C5: variants seen among roughly 807,000 people sequenced by gnomAD.
The protein encoded by C5 is complement C5.
A neutral mutation model predicts 218.8 loss-of-function variants in C5; 140 were observed. That is an observed-to-expected ratio of 0.64 (90% CI 0.56 to 0.74). The LOEUF is 0.74. Ranked by LOEUF, C5 falls within the 30% of genes least tolerant of loss-of-function variation. The probability of loss-of-function intolerance (pLI) is 0.00; values close to 1 mark genes in which losing one functional copy is unlikely to be tolerated. For synonymous variants in C5, 614 were observed against 682.3 expected (o/e 0.90, Z 1.56); for missense variants, 1,700 against 1,969.6 (o/e 0.86, Z 2.59).
rs937065291 is a variant in C5, at chr9:121,004,866, A to C, written c.2562+1053T>G. 1.6e-4 allele frequency among the ~76,000 whole-genome samples: 24 copies of C among 152,200 alleles called. 1 individual carries two copies. Among genetic ancestry groups the C allele is most frequent in the African/African-American group, 4.6e-4 (19 of 41,448 alleles). On this transcript the variant is annotated intron_variant, in intron 20 of 40. Coordinates refer to ENST00000223642, the MANE Select transcript of C5 (RefSeq NM_001735.3). ...AGTTTGATAAAACAGTTTTATTTTA[A>C]GATACCAATATTTAAATATTTTAAA... is the stretch of plus-strand genomic sequence containing the variant.
chr9:121,035,205 C>A (rs1053934155), intron 4 of C5, among the ~76,000 whole-genome samples: 1 of 152,094 alleles, frequency 6.6e-6, no homozygotes, highest in African/African-American at 2.4e-5. Flanking sequence ...AACAAACAAA[C>A]AAACAAACAA....
chr9:121,025,388 A>G, intron 9 of C5, 66 bp downstream of exon 9: 2 of 1,421,510 alleles, frequency 1.4e-6, no homozygotes, highest in Non-Finnish European at 1.9e-6. Flanking sequence ...TATCTTTAAT[A>G]TTCTGTCTAA....
Position 121,002,337 on chromosome 9 carries a change from TATATACAC to T in C5, c.2562+3574_2562+3581del, listed in dbSNP as rs1232745112. ...GTGTGTATATATATATATATATATA[TATATACAC>T]ACATACCTACACAAGCCGATTTTAT... On this transcript the variant is annotated intron_variant, in intron 20 of 40. Transcript: ENST00000223642. 8.8e-3 allele frequency among the ~76,000 whole-genome samples: 1,030 copies of T among 116,984 alleles called. 49 individuals are homozygous for T. Among genetic ancestry groups the T allele is most frequent in the African/African-American group, 0.035 (976 of 27,846 alleles). 76.7% of individuals were successfully genotyped at this position (116,984 alleles called of 152,430 possible). A position where few individuals can be genotyped will look rare whatever the true frequency, so the allele number is the denominator to read the frequency against.
chr9:120,991,949 G>T (rs1230985901), intron 22 of C5, among the ~76,000 whole-genome samples: 2 of 152,210 alleles, frequency 1.3e-5, no homozygotes, highest in African/African-American at 4.8e-5. Context: ...AGGAAATTGA[G>T]GCTTAGAAAG....
the C5 span, among the ~76,000 whole-genome samples, chr9:121,066,772 C>A: frequency 6.6e-6 from 1 of 151,304 alleles, no homozygotes; most frequent in South Asian, 2.1e-4. Flanking sequence ...ATCGCTTAAA[C>A]CTGGGAGGTG....
At chr9:121,001,001 T>A (rs2131728420) in intron 20 of C5, among the ~76,000 whole-genome samples, 1 of 152,096 alleles carries the variant, frequency 6.6e-6, no homozygotes, top group African/African-American at 2.4e-5. Context: ...TCAAATGACA[T>A]AAAGGAAAAG....
At chr9:121,027,309 A>G (rs1312519358) in intron 7 of C5, 35 bp from the exon 8 acceptor site, 2 of 967,232 alleles carry the variant, frequency 2.1e-6, no homozygotes, top group Non-Finnish European at 3.3e-6. Context: ...TTTTACTAAC[A>G]TGGTTACAAT....
intron 25 of C5, among the ~76,000 whole-genome samples, chr9:120,987,636 C>CAAAAAAAA (rs36095132): frequency 3.6e-5 from 4 of 110,924 alleles, no homozygotes; most frequent in South Asian, 5.8e-4. Flanking sequence ...GACTCCGTCT[C>CAAAAAAAA]AAAAAAAAAA....
chr9:121,028,394 C>T (rs924140243), intron 7 of C5, among the ~76,000 whole-genome samples: 15 of 152,186 alleles, frequency 9.9e-5, no homozygotes, highest in Non-Finnish European at 1.9e-4. Flanking sequence ...CACATGCACA[C>T]GTATGTTTAC....
intron 30 of C5, among the ~76,000 whole-genome samples, chr9:120,972,196 A>G (rs1258910800): frequency 6.6e-6 from 1 of 152,218 alleles, no homozygotes; most frequent in Non-Finnish European, 1.5e-5. Context: ...CTACATGTAA[A>G]TAAGATGTCT....
At chr9:120,983,882 ACAG>A (rs2047013790) in intron 25 of C5, among the ~76,000 whole-genome samples, 1 of 152,086 alleles carries the variant, frequency 6.6e-6, no homozygotes, top group Non-Finnish European at 1.5e-5. Flanking sequence ...CCACCTCCCA[ACAG>A]AAGATGACCA....
intron 29 of C5, among the ~76,000 whole-genome samples, chr9:120,975,158 G>C (rs556015838): frequency 6.6e-6 from 1 of 152,122 alleles, no homozygotes; most frequent in African/African-American, 2.4e-5. Flanking sequence ...CCTCAGATCT[G>C]GGTCCTCTAT....
intron 25 of C5, among the ~76,000 whole-genome samples, chr9:120,984,521 G>A (rs7861142): frequency 0.14 from 20,576 of 151,926 alleles, 1,688 homozygotes; most frequent in African/African-American, 0.22. Context: ...GCAGTTATAC[G>A]GCCAGGCTGC....
chr9:120,969,753 T>C (rs1354053228), intron 32 of C5, among the ~76,000 whole-genome samples: 1 of 152,158 alleles, frequency 6.6e-6, no homozygotes, highest in Non-Finnish European at 1.5e-5. Flanking sequence ...TCTGGGCCCC[T>C]TGGAATACAG....
the C5 span, among the ~76,000 whole-genome samples, chr9:121,058,155 C>CA: frequency 6.6e-6 from 1 of 152,182 alleles, no homozygotes; most frequent in African/African-American, 2.4e-5. Flanking sequence ...AATAGCTACC[C>CA]ATTATTAGCT....
At chr9:121,055,561 TCAAA>T in the C5 span, among the ~76,000 whole-genome samples, 1 of 152,106 alleles carries the variant, frequency 6.6e-6, no homozygotes, top group Admixed American at 6.5e-5. Context: ...CGATAAAACA[TCAAA>T]CAGATTCCCG....
intron 31 of C5, among the ~76,000 whole-genome samples, chr9:120,970,847 T>G (rs989212256): frequency 7.9e-5 from 12 of 152,192 alleles, no homozygotes; most frequent in African/African-American, 2.9e-4. Flanking sequence ...AATTTAAGAA[T>G]GCATGAAAAT....
At chr9:121,014,310 C>T (rs2047288429) in intron 16 of C5, among the ~76,000 whole-genome samples, 1 of 152,054 alleles carries the variant, frequency 6.6e-6, no homozygotes, top group African/African-American at 2.4e-5. Flanking sequence ...TGCAATTAAG[C>T]TAAATACTAA....
At chr9:120,982,007 C>T in intron 26 of C5, 68 bp from the exon 27 acceptor site, 2 of 1,057,662 alleles carry the variant, frequency 1.9e-6, no homozygotes, top group Non-Finnish European at 1.5e-6. Flanking sequence ...CCTGATTCTA[C>T]TCTGTTTTTT....
Sources: gnomAD v4.1 joint callset for allele counts (sites outside exome capture counted in the v4.1 genomes callset) on GRCh38, gnomAD v4.1.1 for gene constraint, MANE v1.5 for transcripts, NCBI Gene and HGNC (gene_info 2026-07-23, HGNC 2026-07-21) for gene names.